The following KANK1 variants were observed in gnomAD, a reference collection of about 807,000 sequenced individuals.
The protein encoded by KANK1 is KN motif and ankyrin repeat domain-containing protein 1.
A neutral mutation model predicts 106.2 loss-of-function variants in KANK1; 109 were observed. That is an observed-to-expected ratio of 1.03 (90% CI 0.88 to 1.20). The LOEUF (loss-of-function observed/expected upper bound fraction) is 1.20. KANK1 is among the 50% of genes most tolerant of loss of function. The pLI, the probability that KANK1 is intolerant of heterozygous loss-of-function variation, is 0.00. For missense variants in KANK1, 2,399 were observed against 1,710.7 expected, an observed-to-expected ratio of 1.40 and a Z score of -7.10; for synonymous variants, 873 against 652.2, an observed-to-expected ratio of 1.34 and a Z score of -5.16.
At position 524,818 on chromosome 9, in the gene KANK1, G is replaced by A. The variant is rs893173338; in HGVS notation, c.-84+20064G>A. ...GGGTGTGAGCCACCGTGCCCGGCTC[G>A]TTACTGGTTTTGATCAGTGTTCTGA... On this transcript the variant is annotated intron_variant, in intron 1 of 11. Coordinates refer to ENST00000382297, the MANE Select transcript of KANK1 (RefSeq NM_015158.5). 9.9e-5 allele frequency among the ~76,000 whole-genome samples: 15 copies of A among 151,210 alleles called. 1 individual carries two copies. The highest frequency in any genetic ancestry group is 1.8e-4 in the Non-Finnish European group (12 of 67,936).
rs931693629 is a variant in KANK1 at position 745,718 on chromosome 9, C to T, written c.*483C>T. 1 of 152,562 alleles carries T rather than the reference C, an allele frequency of 6.6e-6. No individual in the cohort carries two copies. Among genetic ancestry groups the T allele is most frequent in the Admixed American group, 6.5e-5 (1 of 15,290 alleles). 9.5% of individuals were successfully genotyped at this position (152,562 alleles called of 1,614,324 possible). Reference sequence around the variant, plus strand: ...TCGAGATGACTTTGATCATTGGTAACTTGGGCCTGGGCCAGACAAAGTATA... The same window carrying T: ...TCGAGATGACTTTGATCATTGGTAATTTGGGCCTGGGCCAGACAAAGTATA... On this transcript the variant is annotated 3_prime_UTR_variant, in exon 12 of 12. Coordinates refer to ENST00000382297, the MANE Select transcript of KANK1 (RefSeq NM_015158.5).
chr9:657,099 T>TA (rs1452758117), intron 1 of KANK1, among the ~76,000 whole-genome samples: 2 of 152,208 alleles, frequency 1.3e-5, no homozygotes, highest in Non-Finnish European at 2.9e-5. Flanking sequence ...TGACTTTAAT[T>TA]ACATGTATGT....
At chr9:629,634 A>C (rs1835193507) in intron 1 of KANK1, among the ~76,000 whole-genome samples, 1 of 152,236 alleles carries the variant, frequency 6.6e-6, no homozygotes, top group African/African-American at 2.4e-5. Context: ...GCAGAAACAA[A>C]TGATACCTGA....
At chr9:574,693 A>G (rs999119405) in intron 1 of KANK1, among the ~76,000 whole-genome samples, 10 of 151,846 alleles carry the variant, frequency 6.6e-5, no homozygotes, top group Non-Finnish European at 1.2e-4. Flanking sequence ...CATCTCTACT[A>G]AAAATACAAA....
chr9:702,925 T>C (rs1490027853), intron 2 of KANK1, among the ~76,000 whole-genome samples: 1 of 152,194 alleles, frequency 6.6e-6, no homozygotes, highest in Non-Finnish European at 1.5e-5. Flanking sequence ...GGTTCTGTTT[T>C]GATCACTAGT....
chr9:710,779 T>C, intron 2 of KANK1, 25 bp from the exon 3 acceptor site: 1 of 1,546,774 alleles, frequency 6.5e-7, no homozygotes, highest in Non-Finnish European at 8.7e-7. Flanking sequence ...CATGTCATTA[T>C]AATATTCTTT....
chr9:642,809 AAGTT>A (rs1838782041), intron 1 of KANK1, among the ~76,000 whole-genome samples: 2 of 149,760 alleles, frequency 1.3e-5, no homozygotes, highest in African/African-American at 2.5e-5. Flanking sequence ...AGATGGAAGA[AAGTT>A]AGTCCTTCCT....
At chr9:633,087 C>T (rs16924582) in intron 1 of KANK1, among the ~76,000 whole-genome samples, 19,629 of 151,996 alleles carry the variant, frequency 0.13, 1,964 homozygotes, top group East Asian at 0.31. Flanking sequence ...TCTGTCCAAT[C>T]GTGACTTTTT....
chr9:551,353 T>TA (rs1033252729), intron 1 of KANK1, among the ~76,000 whole-genome samples: 3 of 152,084 alleles, frequency 2.0e-5, no homozygotes, highest in African/African-American at 7.2e-5. Context: ...TGCTTGGTTT[T>TA]ATAGGCGTGA....
rs1402034216 is a variant in KANK1 at position 661,167 on chromosome 9, C to T, written c.-83-15723C>T. ...AAATTTAAGTTCTAGGGTACATGTGCACAACATGCAGGCTTGTTACGTATG... is the reference window on the plus strand; with the variant it reads ...AAATTTAAGTTCTAGGGTACATGTGTACAACATGCAGGCTTGTTACGTATG... On this transcript the variant is annotated intron_variant, in intron 1 of 11. Transcript: ENST00000382297. Among the ~76,000 whole-genome samples, 5 of 152,218 alleles carry T rather than the reference C, an allele frequency of 3.3e-5. No homozygotes were observed. The East Asian group carries it at 7.7e-4, about 23-fold the overall frequency.
upstream of KANK1, among the ~76,000 whole-genome samples, chr9:502,999 TGA>T (rs1378596085): frequency 3.3e-5 from 4 of 119,500 alleles, no homozygotes; most frequent in Non-Finnish European, 4.8e-5. Flanking sequence ...CGCGCCCAGC[TGA>T]TTTTTTTTTT....
intron 3 of KANK1, among the ~76,000 whole-genome samples, chr9:493,151 A>G (rs1343216411): frequency 6.7e-6 from 1 of 150,228 alleles, no homozygotes; most frequent in Admixed American, 6.6e-5. Flanking sequence ...TTGTGCGACC[A>G]TAGAATATGG....
intron 3 of KANK1, among the ~76,000 whole-genome samples, chr9:725,406 T>C (rs1830390264): frequency 1.3e-5 from 2 of 150,012 alleles, no homozygotes; most frequent in African/African-American, 4.9e-5. Flanking sequence ...GGCAGGAGAA[T>C]CGCTTGAACC....
chr9:682,177 G>A, intron 2 of KANK1, among the ~76,000 whole-genome samples: 1 of 151,982 alleles, frequency 6.6e-6, no homozygotes, highest in East Asian at 1.9e-4. Flanking sequence ...CTACTCGGGA[G>A]GCTGAGGCAG....
At chr9:742,884 A>G (rs12377726) in intron 10 of KANK1, among the ~76,000 whole-genome samples, 33,304 of 152,176 alleles carry the variant, frequency 0.22, 3,990 homozygotes, top group Middle Eastern at 0.32. Flanking sequence ...TTGTGACACA[A>G]CATATGCCAG....
chr9:570,204 A>C (rs1009541478), intron 1 of KANK1, among the ~76,000 whole-genome samples: 1 of 152,148 alleles, frequency 6.6e-6, no homozygotes, highest in Non-Finnish European at 1.5e-5. Context: ...GTGTGTGTAC[A>C]TTTGGGGACA....
rs560244940 is a variant in KANK1, at chr9:497,838, G to A, written c.-362+24565G>A. On this transcript the variant is annotated intron_variant, in intron 3 of 15. Transcript: ENST00000382303. Reference sequence around the variant, plus strand: ...ACTGCACTCCAGCCTGGGCGACAGAGTGAGACCCTGTATTAACCCCCCACA... The same window carrying A: ...ACTGCACTCCAGCCTGGGCGACAGAATGAGACCCTGTATTAACCCCCCACA... Among the ~76,000 whole-genome samples, 10 of 138,846 alleles carry A rather than the reference G, an allele frequency of 7.2e-5. No individual in the cohort carries two copies. The South Asian group carries it at 2.1e-3, about 30-fold the overall frequency. The allele number at this position is 138,846 out of a possible 152,430, so 91.1% of individuals were successfully genotyped here.
intron 7 of KANK1, 62 bp downstream of exon 7, chr9:734,897 C>T (rs2131912379): frequency 6.6e-6 from 8 of 1,221,074 alleles, no homozygotes; most frequent in Non-Finnish European, 9.7e-6. Context: ...GGTTCATTGT[C>T]AAGGCCAGCT....
chr9:559,745 C>A (rs936590967), intron 1 of KANK1, among the ~76,000 whole-genome samples: 1 of 152,092 alleles, frequency 6.6e-6, no homozygotes, highest in Non-Finnish European at 1.5e-5. Context: ...CTAAATGTGA[C>A]CCAGAAGGCT....
Sources: allele counts gnomAD v4.1 joint callset (sites outside exome capture counted in the v4.1 genomes callset), GRCh38; gene constraint gnomAD v4.1.1; transcripts MANE v1.5; gene names NCBI Gene and HGNC (gene_info 2026-07-23, HGNC 2026-07-21).